ANKS1B: variants seen among roughly 807,000 people sequenced by gnomAD.
ANKS1B encodes the protein ankyrin repeat and sterile alpha motif domain-containing protein 1B.
Under a neutral mutation model 148.3 loss-of-function variants are expected in ANKS1B, and 36 were observed. The ratio of observed to expected loss-of-function variants is 0.24; its 90% CI spans 0.19 to 0.32. The LOEUF (loss-of-function observed/expected upper bound fraction) is 0.32. ANKS1B is among the 10% of genes least tolerant of loss of function. The pLI is 1.00. For synonymous variants in ANKS1B, 542 were observed against 560.8 expected, an observed-to-expected ratio of 0.97 and a Z score of 0.47; for missense variants, 1,157 against 1,542.6, an observed-to-expected ratio of 0.75 and a Z score of 4.19.
At chr12:99,594,272 A>T (rs1278201542) in intron 9 of ANKS1B, among the ~76,000 whole-genome samples, 1 of 152,128 alleles carries the variant, frequency 6.6e-6, no homozygotes. Context: ...ATGCAAATTT[A>T]TGCAGTCATT....
intron 12 of ANKS1B, among the ~76,000 whole-genome samples, chr12:99,380,879 T>G (rs73151147): frequency 6.6e-6 from 1 of 151,664 alleles, no homozygotes; most frequent in Admixed American, 6.6e-5. Flanking sequence ...GAGATTCCAG[T>G]AGAAATCATA....
chr12:99,148,415 AT>A lies in ANKS1B; in HGVS notation c.2526+5873del, dbSNP rs558527871. 7.1e-3 allele frequency among the ~76,000 whole-genome samples: 1,032 copies of A among 146,170 alleles called. 9 individuals carry two copies. The highest frequency in any genetic ancestry group is 0.023 in the African/African-American group (912 of 40,080). On this transcript the variant is annotated intron_variant, in intron 15 of 26. Transcript: ENST00000683438. ...TTAACACAAGATTTGAATCATGGCA[AT>A]TTTTTTTTTTTTCTGAAAGCCATTC...
intron 17 of ANKS1B, among the ~76,000 whole-genome samples, chr12:98,915,108 C>T (rs991855948): frequency 1.3e-5 from 2 of 149,874 alleles, no homozygotes; most frequent in Non-Finnish European, 3.0e-5. Context: ...TATTTGGGAA[C>T]GAGGTCATTA....
intron 8 of ANKS1B, among the ~76,000 whole-genome samples, chr12:99,690,999 T>A (rs1437464581): frequency 6.6e-6 from 1 of 152,222 alleles, no homozygotes; most frequent in Admixed American, 6.5e-5. Context: ...TATGCAGAGA[T>A]TCTCAAACCT....
intron 21 of ANKS1B, 48 bp from the exon 22 acceptor site, chr12:98,799,053 T>C (rs764997886): frequency 6.0e-6 from 8 of 1,334,942 alleles, no homozygotes; most frequent in Non-Finnish European, 7.1e-6. Flanking sequence ...AATATACATA[T>C]GAGTAATGTT....
At chr12:99,955,420 G>C (rs573361235) in intron 1 of ANKS1B, among the ~76,000 whole-genome samples, 1 of 146,952 alleles carries the variant, frequency 6.8e-6, no homozygotes, top group Non-Finnish European at 1.5e-5. Context: ...GTGAACCCGG[G>C]AGGCGGAGCT....
intron 15 of ANKS1B, among the ~76,000 whole-genome samples, chr12:99,144,477 C>T (rs2153805715): frequency 6.6e-6 from 1 of 152,152 alleles, no homozygotes; most frequent in Admixed American, 6.6e-5. Context: ...CTCACGTAGA[C>T]TGAGTTTAAT....
chr12:98,807,802 A>C, intron 20 of ANKS1B, 42 bp downstream of exon 20: 6 of 1,543,800 alleles, frequency 3.9e-6, no homozygotes, highest in South Asian at 1.1e-5. Flanking sequence ...CACAGTACAT[A>C]GCGCAAGTTC....
At chr12:98,944,884 T>C (rs1259627977) in intron 17 of ANKS1B, among the ~76,000 whole-genome samples, 1 of 152,256 alleles carries the variant, frequency 6.6e-6, no homozygotes, top group Non-Finnish European at 1.5e-5. Context: ...TGGGATCCTG[T>C]TATAATCTGC....
intron 9 of ANKS1B, among the ~76,000 whole-genome samples, chr12:99,516,526 G>T (rs573419038): frequency 6.6e-6 from 1 of 152,110 alleles, no homozygotes; most frequent in South Asian, 2.1e-4. Context: ...ACTCATAAGT[G>T]GGAGCTAAAA....
At chr12:99,306,442 A>C (rs2082355537) in intron 12 of ANKS1B, among the ~76,000 whole-genome samples, 1 of 151,728 alleles carries the variant, frequency 6.6e-6, no homozygotes, top group Non-Finnish European at 1.5e-5. Flanking sequence ...CCCTACCCCC[A>C]CCCCCATAAC....
Position 99,094,881 on chromosome 12 carries a change from C to T in ANKS1B, c.2527-9858G>A, listed in dbSNP as rs376453346. 5.3e-5 allele frequency among the ~76,000 whole-genome samples: 8 copies of T among 152,016 alleles called. No homozygotes were observed. In the East Asian group the frequency reaches 9.6e-4, roughly 18 times the overall value. The stretch of plus-strand genomic sequence containing the variant: ...TGCATCTTCAAATATACTCTGGATT[C>T]GGTGTGGAGAATGGATGGAGAAATT... On this transcript the variant is annotated intron_variant, in intron 15 of 26. Transcript: ENST00000683438.
At chr12:99,633,722 T>C (rs2098198914) in intron 9 of ANKS1B, among the ~76,000 whole-genome samples, 1 of 151,986 alleles carries the variant, frequency 6.6e-6, no homozygotes, top group Non-Finnish European at 1.5e-5. Context: ...GGAGAAAAAT[T>C]TTGCAATCTA....
chr12:99,732,369 C>A (rs1398611172), intron 8 of ANKS1B, among the ~76,000 whole-genome samples: 1 of 152,000 alleles, frequency 6.6e-6, no homozygotes, highest in Admixed American at 6.6e-5. Context: ...TTAATTACAG[C>A]CAAAATCTGG....
At chr12:98,939,447 G>T (rs2099831575) in intron 17 of ANKS1B, among the ~76,000 whole-genome samples, 1 of 152,194 alleles carries the variant, frequency 6.6e-6, no homozygotes, top group African/African-American at 2.4e-5. Context: ...GGCCATTGCG[G>T]TTAATTTTTT....
chr12:99,297,105 G>T (rs1326685644), intron 12 of ANKS1B, among the ~76,000 whole-genome samples: 2 of 152,078 alleles, frequency 1.3e-5, no homozygotes, highest in Non-Finnish European at 2.9e-5. Context: ...TGAATATCTA[G>T]AACAAATAAA....
chr12:99,281,513 G>T (rs2078451616), intron 12 of ANKS1B, among the ~76,000 whole-genome samples: 1 of 152,142 alleles, frequency 6.6e-6, no homozygotes, highest in Non-Finnish European at 1.5e-5. Context: ...GTTCAGATCT[G>T]ACTCATCCAG....
intron 1 of ANKS1B, among the ~76,000 whole-genome samples, chr12:99,870,080 C>A (rs1342080099): frequency 6.6e-6 from 1 of 152,178 alleles, no homozygotes; most frequent in Non-Finnish European, 1.5e-5. Context: ...AGTTTTTCAA[C>A]TCTTGCTCCG....
chr12:99,147,132 G>C (rs2073404149), intron 15 of ANKS1B, among the ~76,000 whole-genome samples: 1 of 152,094 alleles, frequency 6.6e-6, no homozygotes, highest in African/African-American at 2.4e-5. Flanking sequence ...GGTGGGGATA[G>C]ATGGACAAGT....
Sources: allele counts gnomAD v4.1 joint callset (sites outside exome capture counted in the v4.1 genomes callset), GRCh38; gene constraint gnomAD v4.1.1; transcripts MANE v1.5; gene names NCBI Gene and HGNC (gene_info 2026-07-23, HGNC 2026-07-21).